The following NXPE2 variants were observed in gnomAD, a reference collection of about 807,000 sequenced individuals.
The protein encoded by NXPE2 is neurexophilin and PC-esterase domain family member 2, also known as NXPE family member 2.
Under a neutral mutation model 34.4 loss-of-function variants are expected in NXPE2, and 34 were observed. The observed-to-expected ratio is 0.99, with a 90% CI of 0.75 to 1.31. NXPE2 has a LOEUF of 1.31. Among genes scored for constraint, NXPE2 ranks in the 40% most tolerant of loss-of-function variants. The pLI is 0.00. For synonymous variants in NXPE2, 235 were observed against 231.3 expected (o/e 1.02, Z -0.15); for missense variants, 649 against 672.5 (o/e 0.97, Z 0.39).
the NXPE2 span, among the ~76,000 whole-genome samples, chr11:114,672,648 G>A: frequency 0.015 from 2,219 of 151,812 alleles, 107 homozygotes; most frequent in Admixed American, 0.091. Context: ...CATTCAAACA[G>A]CAATAATATG....
the NXPE2 span, among the ~76,000 whole-genome samples, chr11:114,475,232 T>TTTTG: frequency 3.2e-4 from 6 of 18,760 alleles, no homozygotes; most frequent in African/African-American, 3.4e-3. Flanking sequence ...AACTGTTTTT[T>TTTTG]TTTTTTTTTT....
the NXPE2 span, among the ~76,000 whole-genome samples, chr11:114,635,809 T>C: frequency 1.3e-5 from 2 of 152,122 alleles, no homozygotes; most frequent in Non-Finnish European, 2.9e-5. Context: ...ATCCCAGGGA[T>C]GAAGCCCACT....
the NXPE2 span, among the ~76,000 whole-genome samples, chr11:114,516,570 C>CTTATTA: frequency 2.6e-5 from 4 of 151,618 alleles, no homozygotes; most frequent in African/African-American, 7.3e-5. Context: ...GAAAGCAAGC[C>CTTATTA]TTATTATTAT....
chr11:114,631,153 C>A, the NXPE2 span, among the ~76,000 whole-genome samples: 1 of 151,980 alleles, frequency 6.6e-6, no homozygotes, highest in Non-Finnish European at 1.5e-5. Context: ...TACCATTTGA[C>A]CCAGCCATCC....
the NXPE2 span, among the ~76,000 whole-genome samples, chr11:114,536,441 A>G: frequency 6.6e-6 from 1 of 152,350 alleles, no homozygotes; most frequent in Middle Eastern, 3.4e-3. Context: ...TCAGAGCAGG[A>G]CTGAAGGAAA....
chr11:114,786,960 G>A, the NXPE2 span, among the ~76,000 whole-genome samples: 1 of 152,150 alleles, frequency 6.6e-6, no homozygotes, highest in Non-Finnish European at 1.5e-5. Context: ...CTGGTCTGGT[G>A]AGACTGCACT....
chr11:114,601,746 A>AT, the NXPE2 span, among the ~76,000 whole-genome samples: 239 of 71,200 alleles, frequency 3.4e-3, 9 homozygotes, highest in African/African-American at 0.013. Context: ...TATAATTATA[A>AT]TATATAATAT....
chr11:114,661,999 C>G, the NXPE2 span, among the ~76,000 whole-genome samples: 2 of 152,100 alleles, frequency 1.3e-5, no homozygotes, highest in African/African-American at 2.4e-5. Flanking sequence ...ATAGAAGGCT[C>G]CACCAATCAC....
At chr11:114,571,844 T>C in the NXPE2 span, among the ~76,000 whole-genome samples, 2 of 152,204 alleles carry the variant, frequency 1.3e-5, no homozygotes, top group African/African-American at 4.8e-5. Flanking sequence ...CTCTCTGAGA[T>C]GCTGAAAAAC....
chr11:114,767,706 C>T, the NXPE2 span, among the ~76,000 whole-genome samples: 1 of 152,142 alleles, frequency 6.6e-6, no homozygotes, highest in Admixed American at 6.5e-5. Flanking sequence ...GAGAACTTAG[C>T]ACAGACTCCA....
chr11:114,621,831 G>A, the NXPE2 span, among the ~76,000 whole-genome samples: 13 of 151,824 alleles, frequency 8.6e-5, no homozygotes, highest in Non-Finnish European at 1.5e-4. Context: ...ACTGTTACCT[G>A]CTGGAAAATA....
At chr11:114,628,240 C>T in the NXPE2 span, among the ~76,000 whole-genome samples, 1 of 147,278 alleles carries the variant, frequency 6.8e-6, no homozygotes, top group Non-Finnish European at 1.5e-5. Flanking sequence ...ACATACCACA[C>T]CTATTCCAAA....
At chr11:114,498,607 A>T in the NXPE2 span, among the ~76,000 whole-genome samples, 1 of 152,138 alleles carries the variant, frequency 6.6e-6, no homozygotes, top group Non-Finnish European at 1.5e-5. Flanking sequence ...AATATTGGCT[A>T]TCAATATGCA....
chr11:114,512,525 A>T, the NXPE2 span, among the ~76,000 whole-genome samples: 25 of 152,288 alleles, frequency 1.6e-4, no homozygotes, highest in South Asian at 4.6e-3. Context: ...GGCTCGCGAC[A>T]GTCGGGAGCC....
the NXPE2 span, among the ~76,000 whole-genome samples, chr11:114,712,180 C>A: frequency 6.6e-6 from 1 of 152,022 alleles, no homozygotes; most frequent in East Asian, 1.9e-4. Flanking sequence ...AATGTAAGAT[C>A]CAAAACTATT....
the NXPE2 span, among the ~76,000 whole-genome samples, chr11:114,605,816 C>T: frequency 4.0e-5 from 6 of 151,750 alleles, no homozygotes; most frequent in East Asian, 3.9e-4. Context: ...ACCACTGTTA[C>T]GCAGTGGAAA....
chr11:114,498,672 G>A, the NXPE2 span, among the ~76,000 whole-genome samples: 1 of 151,856 alleles, frequency 6.6e-6, no homozygotes, highest in Admixed American at 6.6e-5. Context: ...GGCAGCTTTT[G>A]TATTTATTTT....
the NXPE2 span, among the ~76,000 whole-genome samples, chr11:114,755,486 G>A: frequency 4.6e-5 from 7 of 152,104 alleles, no homozygotes; most frequent in African/African-American, 7.2e-5. Flanking sequence ...GCATATCCTG[G>A]ATGTGTGCTC....
At chr11:114,801,472 A>ATAAGAAGCCTGGATTT in the NXPE2 span, among the ~76,000 whole-genome samples, 1 of 152,344 alleles carries the variant, frequency 6.6e-6, no homozygotes, top group African/African-American at 2.4e-5. Flanking sequence ...GTAGACCATG[A>ATAAGAAGCCTGGATTT]TAAGAAGCCT....
Sources: allele counts gnomAD v4.1 joint callset (sites outside exome capture counted in the v4.1 genomes callset), GRCh38; gene constraint gnomAD v4.1.1; transcripts MANE v1.5; gene names NCBI Gene and HGNC (gene_info 2026-07-23, HGNC 2026-07-21).